The following POSTN variants were observed in gnomAD, a reference collection of about 807,000 sequenced individuals.
POSTN encodes the protein osteoblast specific factor 2 (fasciclin I-like).
A neutral mutation model predicts 104.5 loss-of-function variants in POSTN; 71 were observed. The observed-to-expected ratio is 0.68, with a 90% CI of 0.56 to 0.83. POSTN has a LOEUF of 0.83. Among genes scored for constraint, POSTN ranks in the 40% least tolerant of loss-of-function variants. The probability of loss-of-function intolerance (pLI) is 0.00; values close to 1 mark genes in which losing one functional copy is unlikely to be tolerated. For synonymous variants in POSTN, 355 were observed against 340.7 expected (o/e 1.04, Z -0.46); for missense variants, 949 against 1,006.8 (o/e 0.94, Z 0.78).
intron 2 of POSTN, among the ~76,000 whole-genome samples, chr13:37,595,713 C>G (rs1490691567): frequency 6.6e-6 from 1 of 151,896 alleles, no homozygotes; most frequent in Non-Finnish European, 1.5e-5. Context: ...TCACATTTAT[C>G]AATTCATTTT....
chr13:37,594,083 A>C (rs1951015911), intron 2 of POSTN, among the ~76,000 whole-genome samples: 1 of 152,100 alleles, frequency 6.6e-6, no homozygotes, highest in Non-Finnish European at 1.5e-5. Flanking sequence ...TATGCAAATC[A>C]TAATAGAGCC....
intron 19 of POSTN, among the ~76,000 whole-genome samples, chr13:37,570,158 G>T (rs1950223271): frequency 6.6e-6 from 1 of 151,794 alleles, no homozygotes; most frequent in Non-Finnish European, 1.5e-5. Flanking sequence ...CTGATATGAG[G>T]TTTACTGAAA....
chr13:37,566,672 G>T (rs1950110721), intron 21 of POSTN, among the ~76,000 whole-genome samples: 1 of 152,134 alleles, frequency 6.6e-6, no homozygotes, highest in Non-Finnish European at 1.5e-5. Context: ...TATGTTGGCA[G>T]ATTTGCGAAA....
At chr13:37,584,626 C>A in intron 8 of POSTN, 90 bp downstream of exon 8, 1 of 1,091,936 alleles carries the variant, frequency 9.2e-7, no homozygotes, top group Non-Finnish European at 1.3e-6. Context: ...ACTGCACATT[C>A]ATTTTTCATG....
chr13:37,579,525 A>G (rs1421380922), intron 12 of POSTN, among the ~76,000 whole-genome samples, 166 bp from the exon 13 acceptor site: 1 of 152,226 alleles, frequency 6.6e-6, no homozygotes, highest in Non-Finnish European at 1.5e-5. Context: ...AGTTATTTCA[A>G]TTAGCCTAAT....
chr13:37,582,177 G>A (rs1950610260), intron 10 of POSTN, among the ~76,000 whole-genome samples, 189 bp downstream of exon 10: 1 of 152,188 alleles, frequency 6.6e-6, no homozygotes, highest in African/African-American at 2.4e-5. Flanking sequence ...ATCTATCTGA[G>A]TTTTGAATAC....
At chr13:37,570,287 T>A (rs1158295429) in intron 19 of POSTN, among the ~76,000 whole-genome samples, 1 of 151,784 alleles carries the variant, frequency 6.6e-6, no homozygotes, top group Non-Finnish European at 1.5e-5. Flanking sequence ...CTCTAACTCA[T>A]TAACAAACAG....
chr13:37,572,384 A>G (rs893508936), intron 17 of POSTN, among the ~76,000 whole-genome samples: 1 of 151,612 alleles, frequency 6.6e-6, no homozygotes, highest in Non-Finnish European at 1.5e-5. Context: ...AAGTTTTTTG[A>G]AACCATAAGT....
At chr13:37,579,182 C>G in intron 13 of POSTN, 47 bp downstream of exon 13, 1 of 1,604,968 alleles carries the variant, frequency 6.2e-7, no homozygotes, top group Non-Finnish European at 8.5e-7. Flanking sequence ...ATTTAGATAA[C>G]TTAATGATGG....
At chr13:37,595,893 C>T (rs1409141339) in intron 2 of POSTN, among the ~76,000 whole-genome samples, 1 of 151,330 alleles carries the variant, frequency 6.6e-6, no homozygotes, top group Admixed American at 6.6e-5. Context: ...TCACTGCAAC[C>T]TCCACCTCCT....
chr13:37,565,650 C>T (rs571103387), intron 21 of POSTN, among the ~76,000 whole-genome samples: 46 of 151,996 alleles, frequency 3.0e-4, no homozygotes, highest in African/African-American at 1.1e-3. Context: ...TTCTTTCCCC[C>T]CAGAATATAA....
At chr13:37,593,785 T>G (rs1434348080) in intron 2 of POSTN, among the ~76,000 whole-genome samples, 1 of 151,538 alleles carries the variant, frequency 6.6e-6, no homozygotes, top group Non-Finnish European at 1.5e-5. Context: ...TTTAATGATA[T>G]AAAAGATGAT....
At chr13:37,582,926 A>G (rs1395497232) in intron 9 of POSTN, among the ~76,000 whole-genome samples, 1 of 152,202 alleles carries the variant, frequency 6.6e-6, no homozygotes, top group East Asian at 1.9e-4. Context: ...ATCAAAGCAA[A>G]CAACCTCTTA....
chr13:37,570,484 A>G (rs1707225382), intron 19 of POSTN, 96 bp downstream of exon 19: 1 of 819,270 alleles, frequency 1.2e-6, no homozygotes, highest in African/African-American at 1.7e-5. Context: ...CACTATGAAA[A>G]TGACTTGTTT....
At chr13:37,594,716 T>C (rs1212123798) in intron 2 of POSTN, among the ~76,000 whole-genome samples, 3 of 151,844 alleles carry the variant, frequency 2.0e-5, no homozygotes, top group African/African-American at 7.3e-5. Context: ...CTTCACGTTT[T>C]TCATTAGGCC....
chr13:37,575,407 C>G (rs749523423), intron 16 of POSTN, among the ~76,000 whole-genome samples: 2 of 151,846 alleles, frequency 1.3e-5, no homozygotes, highest in Non-Finnish European at 2.9e-5. Flanking sequence ...TAAACCCCAG[C>G]ATTACTCAAT....
chr13:37,564,620 G>T, intron 21 of POSTN, 60 bp from the exon 22 acceptor site: 3 of 972,274 alleles, frequency 3.1e-6, no homozygotes, highest in Non-Finnish European at 5.0e-6. Context: ...TCAGACAGGA[G>T]ACCATGGTTA....
intron 22 of POSTN, among the ~76,000 whole-genome samples, chr13:37,563,589 T>C (rs969381676): frequency 1.3e-5 from 2 of 152,132 alleles, no homozygotes; most frequent in Non-Finnish European, 2.9e-5. Flanking sequence ...TTTAACTCTT[T>C]AGAAAATTTG....
intron 22 of POSTN, among the ~76,000 whole-genome samples, chr13:37,564,181 CAT>C (rs71093693): frequency 0.019 from 952 of 49,456 alleles, 7 homozygotes; most frequent in Non-Finnish European, 0.027. Flanking sequence ...CAAAACATTA[CAT>C]ATATATATAT....
Sources: gnomAD v4.1 joint callset for allele counts (sites outside exome capture counted in the v4.1 genomes callset) on GRCh38, gnomAD v4.1.1 for gene constraint, MANE v1.5 for transcripts, NCBI Gene and HGNC (gene_info 2026-07-23, HGNC 2026-07-21) for gene names.